Variants in OGFR observed in about 807,000 individuals in gnomAD.
The protein encoded by OGFR is opioid growth factor receptor, also known as protein 7-60.
Under a neutral mutation model 33.6 loss-of-function variants are expected in OGFR, and 18 were observed. That is an observed-to-expected ratio of 0.54 (90% confidence interval 0.37 to 0.80). The LOEUF (loss-of-function observed/expected upper bound fraction) is 0.80. Among genes scored for constraint, OGFR ranks in the 30% least tolerant of loss-of-function variants. The pLI is 0.00. For synonymous variants in OGFR, 370 were observed against 400.7 expected (o/e 0.92, Z 0.91); for missense variants, 877 against 955.8 (o/e 0.92, Z 1.09).
intron 6 of OGFR, 35 bp downstream of exon 6, chr20:62,811,645 G>A (rs759632728): frequency 6.0e-5 from 41 of 681,792 alleles, no homozygotes; most frequent in Middle Eastern, 3.2e-4. Flanking sequence ...CCCCCACCCC[G>A]GCGCAGAACA....
chr20:62,810,074 C>A (rs946681031), intron 4 of OGFR, among the ~76,000 whole-genome samples: 2 of 121,342 alleles, frequency 1.6e-5, no homozygotes, highest in Non-Finnish European at 3.4e-5. Flanking sequence ...CTTGGGGACC[C>A]ACAATGTGGC....
At chr20:62,808,406 G>T in intron 3 of OGFR, 81 bp downstream of exon 3, 1 of 1,074,382 alleles carries the variant, frequency 9.3e-7, no homozygotes, top group Non-Finnish European at 1.4e-6. Flanking sequence ...GGTTTGGGAT[G>T]TACCCGGCGA....
chr20:62,807,399 G>A (rs1990619615), intron 1 of OGFR, 138 bp from the exon 2 acceptor site: 1 of 719,196 alleles, frequency 1.4e-6, no homozygotes, highest in Non-Finnish European at 2.4e-6. Flanking sequence ...GCAGGAGAAT[G>A]AGAGGGAGGA....
chr20:62,808,613 C>T (rs1187991916), intron 3 of OGFR, among the ~76,000 whole-genome samples: 3 of 152,218 alleles, frequency 2.0e-5, no homozygotes, highest in Non-Finnish European at 4.4e-5. Context: ...TCCTGCACGA[C>T]CTCATGAAAG....
At position 62,812,315 on chromosome 20, in the gene OGFR, C is replaced by T. The variant is rs1429399390; in HGVS notation, c.700C>T (p.Arg234Cys). The T allele has an allele frequency of 1.2e-5, 18 of 1,557,816 alleles. No homozygotes were observed. The highest frequency in any genetic ancestry group is 4.8e-5 in the East Asian group (2 of 41,522). Residue 234 changes from arginine to cysteine, a missense_variant, in exon 7 of 7, where the codon CGC becomes TGC. Around this residue, in one of 3 missense-constraint regions of OGFR, gnomAD observed 760 missense variants for 736.0 expected, o/e 1.03. Coordinates refer to ENST00000290291, the MANE Select transcript of OGFR (RefSeq NM_007346.4). Reference protein sequence around the residue: ...GLEHFQAPLVRFFLEETLVRR... With the variant: ...GLEHFQAPLVCFFLEETLVRR... ...CGAGCACTTCCAGGCGCCGCTGGTC[C>T]GCTTCTTCCTGGAGGAGACGCTGGT...
Position 62,812,755 on chromosome 20 carries a change from A to G in OGFR, c.1140A>G (p.Lys380=). Reference sequence around the variant, plus strand: ...ATAGGCCGGAGCCCTTAAGCCCCAAAGAGAGCAAGAAGAGGAAGCTGGAGC... The same window carrying G: ...ATAGGCCGGAGCCCTTAAGCCCCAAGGAGAGCAAGAAGAGGAAGCTGGAGC... ...GEDRPEPLSP[K]ESKKRKLELS... The change falls in exon 7 of 7, where the codon AAA becomes AAG. Residue 380 remains lysine (K), a synonymous_variant. Transcript: ENST00000290291. 6.2e-7 allele frequency: 1 copy of G among 1,611,002 alleles called. No individual in the cohort carries two copies. The highest frequency in any genetic ancestry group is 8.5e-7 in the Non-Finnish European group (1 of 1,179,144).
In OGFR at chr20:62,813,623, T is replaced by A; in HGVS notation, c.2008T>A (p.Ser670Thr). ...AGAGTTGCAGGACGCAGAGGTGGAGTCTTCTGCCAAGTCTGGGAAGCCTTA... is the reference window on the plus strand; with the variant it reads ...AGAGTTGCAGGACGCAGAGGTGGAGACTTCTGCCAAGTCTGGGAAGCCTTA... ...AAELQDAEVE[S>T]SAKSGKP The change falls in exon 7 of 7, where the codon TCT becomes ACT. Residue 670 changes from serine (S) to threonine (T), a missense_variant. Around this residue, in one of 3 missense-constraint regions of OGFR, gnomAD observed 45 missense variants for 38.0 expected, o/e 1.19. Transcript: ENST00000290291. 1 of 1,612,122 alleles carries A rather than the reference T, an allele frequency of 6.2e-7. No individual in the cohort carries two copies. The highest frequency in any genetic ancestry group is 8.5e-7 in the Non-Finnish European group (1 of 1,179,694).
In OGFR at chr20:62,812,742, C is replaced by T; in HGVS notation, c.1127C>T (p.Pro376Leu). 2 of 1,607,502 alleles carry T rather than the reference C, an allele frequency of 1.2e-6. No individual in the cohort carries two copies. The highest frequency in any genetic ancestry group is 1.7e-6 in the Non-Finnish European group (2 of 1,177,490). ...AGGHGEDRPE[P>L]LSPKESKKRK... ...GGCCACGGGGAAGATAGGCCGGAGC[C>T]CTTAAGCCCCAAAGAGAGCAAGAAG... The change falls in exon 7 of 7, where the codon CCC becomes CTC. Residue 376 changes from proline to leucine, a missense_variant. Physicochemically the swap from Pro to Leu is moderately conservative, Grantham distance 98 (BLOSUM62 -3). Transcript: ENST00000290291.
Position 62,807,953 on chromosome 20 carries a change from C to T in OGFR, c.241-294C>T, listed in dbSNP as rs531275000. ...CTGTCTCCTGCAGGTTGTCCTCAGC[C>T]ATTACCCTCCACACCCCTGAATCAC... is the stretch of plus-strand genomic sequence containing the variant. On this transcript the variant is annotated intron_variant, in intron 2 of 6. Transcript: ENST00000290291. 80 of 601,086 alleles carry T rather than the reference C, an allele frequency of 1.3e-4. No individual in the cohort carries two copies. In the African/African-American group the frequency reaches 1.3e-3, roughly 10 times the overall value. The allele number at this position is 601,086 out of a possible 1,614,324, so 37.2% of individuals were successfully genotyped here.
chr20:62,813,098 C>T lies in OGFR; in HGVS notation c.1483C>T (p.His495Tyr), dbSNP rs1027682182. ...CCCATCGGGGCACCCCAAGGCTGGACACAGTGAGAACGGGGTTGAGGAGGA... is the reference window on the plus strand; with the variant it reads ...CCCATCGGGGCACCCCAAGGCTGGATACAGTGAGAACGGGGTTGAGGAGGA... ...PAPSGHPKAG[H>Y]SENGVEEDTE... The change falls in exon 7 of 7, where the codon CAC (histidine) becomes TAC (tyrosine). Residue 495 changes from histidine (H) to tyrosine (Y), a missense_variant. By Grantham distance (83) the His-to-Tyr change is moderately conservative. Around this residue, in one of 3 missense-constraint regions of OGFR, gnomAD observed 760 missense variants for 736.0 expected, o/e 1.03. Transcript: ENST00000290291. 1 of 1,579,684 alleles carries T rather than the reference C, an allele frequency of 6.3e-7. No homozygotes were observed. The highest frequency in any genetic ancestry group is 8.6e-7 in the Non-Finnish European group (1 of 1,162,800).
chr20:62,811,339 ATGTC>A (rs962647306), intron 5 of OGFR, 119 bp from the exon 6 acceptor site: 1,071 of 1,068,450 alleles, frequency 1.0e-3, no homozygotes, highest in Middle Eastern at 1.5e-3. Flanking sequence ...CTCTAAATAA[ATGTC>A]TGTCTGTCTG....
chr20:62,805,056 C>T, intron 1 of OGFR, 26 bp downstream of exon 1: 4 of 1,300,996 alleles, frequency 3.1e-6, no homozygotes, highest in South Asian at 2.3e-5. Flanking sequence ...GCGGAAGAGG[C>T]CTGGGGTCCC....
At chr20:62,808,733 G>T (rs1990653553) in intron 3 of OGFR, among the ~76,000 whole-genome samples, 1 of 152,100 alleles carries the variant, frequency 6.6e-6, no homozygotes, top group South Asian at 2.1e-4. Flanking sequence ...CAGCACTTTG[G>T]GAGGCCAAGG....
At chr20:62,812,065 A>T (rs1256968908) in intron 6 of OGFR, among the ~76,000 whole-genome samples, 165 bp from the exon 7 acceptor site, 2 of 152,094 alleles carry the variant, frequency 1.3e-5, no homozygotes, top group African/African-American at 4.8e-5. Flanking sequence ...CAGGGATGGC[A>T]TGAGTCCTCC....
chr20:62,809,390 A>G, intron 3 of OGFR, among the ~76,000 whole-genome samples, 195 bp from the exon 4 acceptor site: 1 of 152,236 alleles, frequency 6.6e-6, no homozygotes. Flanking sequence ...CAGCAGGGCA[A>G]GGGCTGTGCA....
At position 62,812,452 on chromosome 20, in the gene OGFR, G is replaced by T. The variant is rs1209402378; in HGVS notation, c.837G>T (p.Arg279=). 6.3e-7 allele frequency: 1 copy of T among 1,580,728 alleles called. No individual in the cohort carries two copies. Among genetic ancestry groups the T allele is most frequent in the Non-Finnish European group, 8.6e-7 (1 of 1,163,958 alleles). ...TGCACTTCGCCTGGGAGCACTTCCG[G>T]CCCCGCTGCAAGTTCGTCTGGGGGC... ...QLVHFAWEHF[R]PRCKFVWGPQ... Residue 279 remains arginine, a synonymous_variant, in exon 7 of 7, where the codon CGG becomes CGT. Transcript: ENST00000290291.
Position 62,804,844 on chromosome 20 carries a change from C to T in OGFR, c.-16C>T. ...TTTCGCTTCCGCCTCCAGCGCGAGC[C>T]CCGCCGCCGCCGAGCATGGACGACC... On this transcript the variant is annotated 5_prime_UTR_variant, in exon 1 of 7. Transcript: ENST00000290291. 6.9e-7 allele frequency: 1 copy of T among 1,448,530 alleles called. No homozygotes were observed. Among genetic ancestry groups the T allele is most frequent in the Non-Finnish European group, 9.1e-7 (1 of 1,102,056 alleles). 89.7% of individuals were successfully genotyped at this position (1,448,530 alleles called of 1,614,324 possible). A position where few individuals can be genotyped will look rare whatever the true frequency, so the allele number is the denominator to read the frequency against.
At position 62,813,749 on chromosome 20, in the gene OGFR, C is replaced by T; in HGVS notation, c.*100C>T. Reference sequence around the variant, plus strand: ...GCTCCCCTCAGGCTCTGCTTCGTGACCCGTGACCCATGACCCACAGTGCTG... The same window carrying T: ...GCTCCCCTCAGGCTCTGCTTCGTGATCCGTGACCCATGACCCACAGTGCTG... On this transcript the variant is annotated 3_prime_UTR_variant, in exon 7 of 7. Coordinates refer to ENST00000290291, the MANE Select transcript of OGFR (RefSeq NM_007346.4). 3 of 1,406,532 alleles carry T rather than the reference C, an allele frequency of 2.1e-6. No homozygotes were observed. Among genetic ancestry groups the T allele is most frequent in the Non-Finnish European group, 3.0e-6 (3 of 1,002,452 alleles). 87.1% of individuals were successfully genotyped at this position (1,406,532 alleles called of 1,614,324 possible). A position where few individuals can be genotyped will look rare whatever the true frequency, so the allele number is the denominator to read the frequency against.
chr20:62,805,104 C>T (rs1345336244), intron 1 of OGFR, 74 bp downstream of exon 1: 6 of 1,192,498 alleles, frequency 5.0e-6, no homozygotes, highest in Admixed American at 4.3e-5. Context: ...GGGAGACCCC[C>T]CCATCCCGGG....
Sources: gnomAD v4.1 joint callset for allele counts (sites outside exome capture counted in the v4.1 genomes callset) on GRCh38, gnomAD v4.1.1 for gene constraint, gnomAD v4.1.1 regional missense constraint, MANE v1.5 for transcripts, NCBI Gene and HGNC (gene_info 2026-07-23, HGNC 2026-07-21) for gene names.